Variants in FBRSL1 observed in about 807,000 individuals in gnomAD.
FBRSL1 encodes fibrosin-1-like protein.
FBRSL1 carries 51 observed loss-of-function variants against 89.6 expected under a neutral mutation model. The observed-to-expected ratio is 0.57, with a 90% confidence interval of 0.45 to 0.72. The LOEUF (loss-of-function observed/expected upper bound fraction) is 0.72, where lower values mean the gene tolerates loss of function less well. Among genes scored for constraint, FBRSL1 ranks in the 30% least tolerant of loss-of-function variants. FBRSL1 has a pLI of 0.00. For missense variants in FBRSL1, 1,618 were observed against 1,451.8 expected, an observed-to-expected ratio of 1.11 and a Z score of -1.86; for synonymous variants, 779 against 681.1, an observed-to-expected ratio of 1.14 and a Z score of -2.24.
intron 5 of FBRSL1, chr12:132,559,924 C>A (rs1458449009): frequency 6.7e-6 from 1 of 148,824 alleles, no homozygotes; most frequent in Non-Finnish European, 1.5e-5. Flanking sequence ...GGTCTGCCCG[C>A]GCCCCGCCCC....
intron 2 of FBRSL1, among the ~76,000 whole-genome samples, chr12:132,514,469 C>T (rs189474367): frequency 2.4e-4 from 36 of 152,348 alleles, no homozygotes; most frequent in Middle Eastern, 3.4e-3. Context: ...CATCCTCCTC[C>T]GGCCAGAAGC....
At position 132,559,786 on chromosome 12, in the gene FBRSL1, C is replaced by G. The variant is rs1269500332; in HGVS notation, c.646-7695C>G. 4.6e-5 allele frequency among the ~76,000 whole-genome samples: 7 copies of G among 152,282 alleles called. No individual in the cohort carries two copies. In the East Asian group the frequency reaches 1.4e-3, roughly 29 times the overall value. ...GTTGTGAGGACCAGAGGAGCAGCGC[C>G]CACACAGCGCTCAGTGAGGCCGGCG... is the stretch of plus-strand genomic sequence containing the variant. On this transcript the variant is annotated intron_variant, in intron 5 of 18. Transcript: ENST00000680143.
At chr12:132,511,288 G>A (rs1408484168) in intron 2 of FBRSL1, 57 of 985,514 alleles carry the variant, frequency 5.8e-5, no homozygotes, top group Non-Finnish European at 6.7e-5. Flanking sequence ...AGGGTGGGCA[G>A]CGCCTTCTCC....
chr12:132,555,636 A>C (rs1204053307), intron 5 of FBRSL1, among the ~76,000 whole-genome samples: 1 of 152,168 alleles, frequency 6.6e-6, no homozygotes, highest in African/African-American at 2.4e-5. Flanking sequence ...GAGGCCCCAG[A>C]GGAGGATCCT....
At chr12:132,556,361 G>A (rs1056310965) in intron 5 of FBRSL1, among the ~76,000 whole-genome samples, 4 of 152,170 alleles carry the variant, frequency 2.6e-5, no homozygotes, top group Admixed American at 6.5e-5. Flanking sequence ...CACTGCCAGC[G>A]TGGCTGTGGC....
chr12:132,570,350 C>A lies in FBRSL1; in HGVS notation c.1023C>A (p.Ala341=), dbSNP rs1163075944. The change falls in exon 8 of 19, where the codon GCC becomes GCA. Residue 341 remains alanine, a synonymous_variant. Transcript: ENST00000680143. The part of the protein sequence containing the change: ...GLHGLSRSSS[A]PLGLGKHVSL... ...TGTCCCGCAGCAGGAGCAGCAGCGC[C>A]CCCCTGGGCCTGGGGAAGCACGTGT... The A allele has an allele frequency of 6.5e-7, 1 of 1,531,630 alleles. No individual in the cohort carries two copies. Among genetic ancestry groups the A allele is most frequent in the African/African-American group, 1.4e-5 (1 of 72,526 alleles). The allele number at this position is 1,531,630 out of a possible 1,614,324, so 94.9% of individuals were successfully genotyped here.
intron 2 of FBRSL1, chr12:132,511,521 T>G: frequency 2.0e-6 from 2 of 985,814 alleles, no homozygotes; most frequent in Non-Finnish European, 2.4e-6. Flanking sequence ...GAGGGGGTGT[T>G]TGGGGGGGCT....
At chr12:132,517,617 C>T (rs1215973984) in intron 2 of FBRSL1, among the ~76,000 whole-genome samples, 2 of 152,154 alleles carry the variant, frequency 1.3e-5, no homozygotes, top group Admixed American at 6.5e-5. Flanking sequence ...GAGAAGGCAC[C>T]GTTAGACCAG....
chr12:132,573,522 G>C (rs2137960672), intron 11 of FBRSL1, among the ~76,000 whole-genome samples: 1 of 152,328 alleles, frequency 6.6e-6, no homozygotes, highest in East Asian at 1.9e-4. Flanking sequence ...GGACTCGGGG[G>C]TACTGCCCTG....
intron 2 of FBRSL1, among the ~76,000 whole-genome samples, chr12:132,523,541 T>A (rs2035541310): frequency 6.6e-6 from 1 of 152,104 alleles, no homozygotes; most frequent in African/African-American, 2.4e-5. Context: ...GCCCTACTCC[T>A]CACGGCTCAG....
At chr12:132,533,718 G>T (rs2036490453) in intron 4 of FBRSL1, among the ~76,000 whole-genome samples, 1 of 152,252 alleles carries the variant, frequency 6.6e-6, no homozygotes, top group South Asian at 2.1e-4. Flanking sequence ...CCTGAGGGCA[G>T]TGGCCTCAGC....
Position 132,570,484 on chromosome 12 carries a change from TGCCCCC to T in FBRSL1, c.1165_1170del (p.Pro389_Pro390del). The T allele has an allele frequency of 6.5e-7, 1 of 1,529,018 alleles. No individual in the cohort carries two copies. 94.7% of individuals were successfully genotyped at this position (1,529,018 alleles called of 1,614,324 possible). On this transcript the variant is annotated inframe_deletion, in exon 8 of 19. Coordinates refer to ENST00000680143, the MANE Select transcript of FBRSL1 (RefSeq NM_001367871.1). Reference sequence around the variant, plus strand: ...GCCATGTTTGCCGCACCCCCGACACTGCCCCCGCCCCCGGCGCTGCCGGCCAGCAGC... The same window carrying T: ...GCCATGTTTGCCGCACCCCCGACACTGCCCCCGGCGCTGCCGGCCAGCAGC...
chr12:132,572,707 G>A, intron 11 of FBRSL1, 85 bp downstream of exon 11: 1 of 947,930 alleles, frequency 1.1e-6, no homozygotes, highest in South Asian at 1.4e-5. Context: ...CAAACTCTCT[G>A]CCCACAACCA....
intron 15 of FBRSL1, among the ~76,000 whole-genome samples, chr12:132,577,482 G>A (rs1415523111): frequency 6.6e-6 from 1 of 152,174 alleles, no homozygotes. Context: ...GGTTGCTCCC[G>A]GGGTCCCAGG....
intron 5 of FBRSL1, among the ~76,000 whole-genome samples, chr12:132,555,965 C>T (rs1215206707): frequency 5.3e-5 from 8 of 152,108 alleles, no homozygotes; most frequent in East Asian, 1.9e-4. Context: ...TCCAGGGCCT[C>T]GGGCACAGCA....
At chr12:132,559,780 C>T (rs1046334414) in intron 5 of FBRSL1, among the ~76,000 whole-genome samples, 2 of 152,194 alleles carry the variant, frequency 1.3e-5, no homozygotes, top group Non-Finnish European at 2.9e-5. Context: ...ACCAGAGGAG[C>T]AGCGCCCACA....
chr12:132,566,621 A>G (rs567031378), intron 5 of FBRSL1, among the ~76,000 whole-genome samples: 1 of 147,122 alleles, frequency 6.8e-6, no homozygotes, highest in Non-Finnish European at 1.5e-5. Flanking sequence ...GGGCTGAGCA[A>G]TTTCTGCGAT....
intron 11 of FBRSL1, 116 bp downstream of exon 11, chr12:132,572,738 A>C: frequency 2.6e-6 from 2 of 755,402 alleles, no homozygotes; most frequent in Admixed American, 4.5e-5. Context: ...CCTCCCTTGT[A>C]CCTGTCGTCA....
At chr12:132,582,693 A>T (rs2040859346) in intron 18 of FBRSL1, among the ~76,000 whole-genome samples, 1 of 151,940 alleles carries the variant, frequency 6.6e-6, no homozygotes, top group Non-Finnish European at 1.5e-5. Context: ...GGCTGCCGGG[A>T]GGCCCCCCTG....
Sources: gnomAD v4.1 joint callset for allele counts (sites outside exome capture counted in the v4.1 genomes callset) on GRCh38, gnomAD v4.1.1 for gene constraint, MANE v1.5 for transcripts, NCBI Gene and HGNC (gene_info 2026-07-23, HGNC 2026-07-21) for gene names.